The following STXBP3 variants were observed in gnomAD, a reference collection of about 807,000 sequenced individuals.
STXBP3 encodes the protein syntaxin-binding protein 3.
STXBP3 carries 41 observed loss-of-function variants against 85.7 expected under a neutral mutation model. The ratio of observed to expected loss-of-function variants is 0.48; its 90% CI spans 0.37 to 0.62. The LOEUF is 0.62. Ranked by LOEUF, STXBP3 falls within the 20% of genes least tolerant of loss-of-function variation. The pLI is 0.00. For missense variants in STXBP3, 563 were observed against 703.1 expected (o/e 0.80, Z 2.25); for synonymous variants, 229 against 231.7 (o/e 0.99, Z 0.10).
chr1:108,787,597 A>G (rs1246074977), intron 11 of STXBP3, among the ~76,000 whole-genome samples: 1 of 152,110 alleles, frequency 6.6e-6, no homozygotes, highest in Non-Finnish European at 1.5e-5. Context: ...TGATACCTCC[A>G]GTATAACATG....
At position 108,782,703 on chromosome 1, in the gene STXBP3, A is replaced by C. The variant is rs1158161140; in HGVS notation, c.960A>C (p.Gly320=). ...EISSTKKATE[G]KTSLSALTQL... ...CATCAACAAAGAAAGCAACAGAAGG[A>C]AAGGTAAGAGTCTTACTTAACTTTC... Residue 320 remains glycine (G), a synonymous_variant, in exon 11 of 19, where the codon GGA becomes GGC. Transcript: ENST00000370008. The C allele has an allele frequency of 3.1e-6, 5 of 1,607,016 alleles. No individual in the cohort carries two copies. The East Asian group carries it at 8.9e-5, about 29-fold the overall frequency.
In STXBP3 at chr1:108,760,004, T is replaced by C; in HGVS notation, c.357T>C (p.Phe119=). 1 of 1,573,604 alleles carries C rather than the reference T, an allele frequency of 6.4e-7. No homozygotes were observed. The highest frequency in any genetic ancestry group is 1.2e-5 in the South Asian group (1 of 82,694). Residue 119 remains phenylalanine, a synonymous_variant, in exon 6 of 19, where the codon TTT becomes TTC. Coordinates refer to ENST00000370008, the MANE Select transcript of STXBP3 (RefSeq NM_007269.4). ...CCTCAGTTTGCCCTGATAATCTCTT[T>C]AACAAAATTAAGGCTTCTTGCTCCA... ...YFTDFCPDNL[F]NKIKASCSKS...
chr1:108,809,039 C>G lies in STXBP3; in HGVS notation c.*162C>G. ...TGTTTATGATTATTACTGGATTTGTCATTTTTGATAATTTAAATATTGCTG... is the reference window on the plus strand; with the variant it reads ...TGTTTATGATTATTACTGGATTTGTGATTTTTGATAATTTAAATATTGCTG... On this transcript the variant is annotated 3_prime_UTR_variant, in exon 19 of 19. Transcript: ENST00000370008. 1 of 528,794 alleles carries G rather than the reference C, an allele frequency of 1.9e-6. No individual in the cohort carries two copies. Among genetic ancestry groups the G allele is most frequent in the Non-Finnish European group, 3.2e-6 (1 of 308,148 alleles). The allele number at this position is 528,794 out of a possible 1,614,324, so 32.8% of individuals were successfully genotyped here. A position where few individuals can be genotyped will look rare whatever the true frequency, so the allele number is the denominator to read the frequency against.
At chr1:108,801,469 T>A (rs973516162) in intron 17 of STXBP3, among the ~76,000 whole-genome samples, 3 of 152,196 alleles carry the variant, frequency 2.0e-5, no homozygotes, top group African/African-American at 4.8e-5. Context: ...GTTGAGTTTT[T>A]AAAATTTTTT....
intron 1 of STXBP3, among the ~76,000 whole-genome samples, chr1:108,747,649 A>G (rs1206128672): frequency 6.6e-6 from 1 of 152,234 alleles, no homozygotes; most frequent in African/African-American, 2.4e-5. Flanking sequence ...GTAGCATCTA[A>G]TTAGTATTTC....
chr1:108,800,571 AT>A lies in STXBP3; in HGVS notation c.1535+271del, dbSNP rs771917278. ...GAGACCTTAATCCTTTTTGATAATTATTTTTGTGTTGAGGTACTTTAAACAT... is the reference window on the plus strand; with the variant it reads ...GAGACCTTAATCCTTTTTGATAATTATTTTGTGTTGAGGTACTTTAAACAT... On this transcript the variant is annotated intron_variant, in intron 17 of 18. Transcript: ENST00000370008. Among the ~76,000 whole-genome samples, 19 of 152,220 alleles carry A rather than the reference AT, an allele frequency of 1.2e-4. No homozygotes were observed. In the East Asian group the frequency reaches 2.7e-3, roughly 22 times the overall value.
At chr1:108,776,882 G>A (rs1662605414) in intron 8 of STXBP3, among the ~76,000 whole-genome samples, 1 of 152,102 alleles carries the variant, frequency 6.6e-6, no homozygotes, top group African/African-American at 2.4e-5. Context: ...GTGACCTTGA[G>A]TTTTCCATCT....
At chr1:108,753,215 TAGTA>T (rs1393132388) in intron 3 of STXBP3, 71 bp downstream of exon 3, 9 of 1,120,382 alleles carry the variant, frequency 8.0e-6, no homozygotes, top group Middle Eastern at 2.1e-4. Context: ...AAATTTTAGT[TAGTA>T]GTTGTGTTTC....
Position 108,772,429 on chromosome 1 carries a change from A to G in STXBP3, c.439-236A>G, listed in dbSNP as rs577108092. On this transcript the variant is annotated intron_variant, in intron 6 of 18. Coordinates refer to ENST00000370008, the MANE Select transcript of STXBP3 (RefSeq NM_007269.4). ...GATATCTATCTGTATATATAAATAC[A>G]TATGATATCTATCTGTATAATATAT... 5.1e-3 allele frequency among the ~76,000 whole-genome samples: 698 copies of G among 135,832 alleles called. 73 individuals are homozygous for G. Among genetic ancestry groups the G allele is most frequent in the African/African-American group, 0.018 (665 of 36,274 alleles). 89.1% of individuals were successfully genotyped at this position (135,832 alleles called of 152,430 possible).
At chr1:108,748,256 AGGTGCAGT>A (rs1661833962) in intron 1 of STXBP3, among the ~76,000 whole-genome samples, 1 of 152,238 alleles carries the variant, frequency 6.6e-6, no homozygotes, top group Non-Finnish European at 1.5e-5. Flanking sequence ...AATTATGGCC[AGGTGCAGT>A]GGTTCACGCC....
chr1:108,782,904 A>T (rs1662745902), intron 11 of STXBP3, among the ~76,000 whole-genome samples, 198 bp downstream of exon 11: 1 of 151,914 alleles, frequency 6.6e-6, no homozygotes, highest in East Asian at 1.9e-4. Flanking sequence ...AAATTTTTTT[A>T]TTTTATTTTA....
rs35813823 is a variant in STXBP3, at chr1:108,765,570, A to ATTTTTTTTTTTTTTTTTTTTTTTTT, written c.438+5507_438+5508insTTTTTTTTTTTTTTTTTTTTTTTTT. ...TCATGGTAAAAAGCACCACATGCTA[A>ATTTTTTTTTTTTTTTTTTTTTTTTT]TTTTTTTTTTTTTTTTTTTTTTGAG... On this transcript the variant is annotated intron_variant, in intron 6 of 18. Transcript: ENST00000370008. Among the ~76,000 whole-genome samples the ATTTTTTTTTTTTTTTTTTTTTTTTT allele has an allele frequency of 3.0e-5, 2 of 67,168 alleles. 1 individual carries two copies. The highest frequency in any genetic ancestry group is 6.2e-5 in the Non-Finnish European group (2 of 32,162). The allele number at this position is 67,168 out of a possible 152,430, so 44.1% of individuals were successfully genotyped here. A position where few individuals can be genotyped will look rare whatever the true frequency, so the allele number is the denominator to read the frequency against.
At position 108,753,102 on chromosome 1, in the gene STXBP3, T is replaced by C; in HGVS notation, c.139T>C (p.Ser47Pro). The C allele has an allele frequency of 6.3e-7, 1 of 1,586,240 alleles. No individual in the cohort carries two copies. The highest frequency in any genetic ancestry group is 8.6e-7 in the Non-Finnish European group (1 of 1,168,064). The change falls in exon 3 of 19, where the codon TCG (serine) becomes CCG (proline). Residue 47 changes from serine (S) to proline (P), a missense_variant. By Grantham distance (74) the Ser-to-Pro change is moderately conservative. Around this residue, in one of 3 missense-constraint regions of STXBP3, gnomAD observed 32 missense variants for 70.6 expected, o/e 0.45. Coordinates refer to ENST00000370008, the MANE Select transcript of STXBP3 (RefSeq NM_007269.4). ...TGAATTTACCACTAAGCTTTTGGCA[T>C]CGTGTTGCAAAATGACAGATCTTCT... ...LDEFTTKLLA[S>P]CCKMTDLLEE... is the part of the protein sequence containing the mutation.
intron 13 of STXBP3, 28 bp from the exon 14 acceptor site, chr1:108,796,206 T>C: frequency 1.2e-6 from 2 of 1,600,012 alleles, no homozygotes; most frequent in Non-Finnish European, 1.7e-6. Context: ...TGGTTATAGA[T>C]CACTGACAAT....
At chr1:108,762,170 T>C (rs1241479899) in intron 6 of STXBP3, among the ~76,000 whole-genome samples, 1 of 152,220 alleles carries the variant, frequency 6.6e-6, no homozygotes, top group East Asian at 1.9e-4. Context: ...CAAAGCAGTC[T>C]ACTGTGAAAA....
intron 6 of STXBP3, among the ~76,000 whole-genome samples, chr1:108,765,532 A>C (rs1662242402): frequency 6.6e-6 from 1 of 151,398 alleles, no homozygotes; most frequent in South Asian, 2.1e-4. Context: ...CACTGTGCAA[A>C]GGTGTGAAAA....
chr1:108,797,758 C>T (rs961348883), intron 15 of STXBP3, among the ~76,000 whole-genome samples: 3 of 150,820 alleles, frequency 2.0e-5, no homozygotes, highest in African/African-American at 4.9e-5. Flanking sequence ...TTTTTTGAGA[C>T]GTAGTCTCAC....
chr1:108,764,905 T>C (rs1351014894), intron 6 of STXBP3, among the ~76,000 whole-genome samples: 1 of 152,228 alleles, frequency 6.6e-6, no homozygotes, highest in Non-Finnish European at 1.5e-5. Context: ...TGTCGGTTGT[T>C]GCTTTTGTTG....
At chr1:108,779,125 A>C (rs189781631) in intron 8 of STXBP3, among the ~76,000 whole-genome samples, 161 bp from the exon 9 acceptor site, 114 of 152,284 alleles carry the variant, frequency 7.5e-4, no homozygotes, top group African/African-American at 2.4e-3. Flanking sequence ...ATAACTTCAC[A>C]TTCTTAAGAC....
Sources: allele counts gnomAD v4.1 joint callset (sites outside exome capture counted in the v4.1 genomes callset), GRCh38; gene constraint gnomAD v4.1.1; regional missense constraint gnomAD v4.1.1; transcripts MANE v1.5; gene names NCBI Gene and HGNC (gene_info 2026-07-23, HGNC 2026-07-21).